ZFAT: variants seen among roughly 807,000 people sequenced by gnomAD.
ZFAT encodes the protein zinc finger protein ZFAT.
A neutral mutation model predicts 117.7 loss-of-function variants in ZFAT; 64 were observed. That is an observed-to-expected ratio of 0.54 (90% CI 0.44 to 0.67). ZFAT has a LOEUF of 0.67. Among genes scored for constraint, ZFAT ranks in the 30% least tolerant of loss-of-function variants. ZFAT has a pLI of 0.00. For synonymous variants in ZFAT, 679 were observed against 615.0 expected, an observed-to-expected ratio of 1.10 and a Z score of -1.54; for missense variants, 1,433 against 1,584.5, an observed-to-expected ratio of 0.90 and a Z score of 1.62.
chr8:134,718,884 G>A, the ZFAT span, among the ~76,000 whole-genome samples: 86 of 152,300 alleles, frequency 5.6e-4, no homozygotes, highest in African/African-American at 1.9e-3. Context: ...CTGGTTAAAC[G>A]GATAGTTCAG....
chr8:134,555,840 G>A (rs886538356), intron 11 of ZFAT, among the ~76,000 whole-genome samples: 1 of 151,498 alleles, frequency 6.6e-6, no homozygotes, highest in African/African-American at 2.4e-5. Context: ...AAACATGTGT[G>A]AACAGATGAT....
the ZFAT span, among the ~76,000 whole-genome samples, chr8:134,826,363 T>C: frequency 6.6e-6 from 1 of 152,222 alleles, no homozygotes; most frequent in East Asian, 1.9e-4. Flanking sequence ...ACAACTTTTT[T>C]CTTTTAGAGA....
At chr8:134,587,650 C>T (rs142667962) in intron 9 of ZFAT, among the ~76,000 whole-genome samples, 28 of 152,248 alleles carry the variant, frequency 1.8e-4, no homozygotes, top group African/African-American at 6.3e-4. Context: ...CGGTCTGTTG[C>T]CCTAGTAGAA....
At chr8:134,639,995 G>C (rs375140684) in intron 2 of ZFAT, 4 of 350,830 alleles carry the variant, frequency 1.1e-5, no homozygotes, top group African/African-American at 8.6e-5. Flanking sequence ...CTAGGCCCCC[G>C]GATGTCCCTC....
At chr8:134,617,487 G>T (rs1828828667) in intron 3 of ZFAT, among the ~76,000 whole-genome samples, 2 of 152,202 alleles carry the variant, frequency 1.3e-5, no homozygotes, top group Admixed American at 6.5e-5. Context: ...CTTGGACAAT[G>T]ATATGACAAC....
intron 15 of ZFAT, among the ~76,000 whole-genome samples, chr8:134,504,567 C>T (rs1819251458): frequency 6.6e-6 from 1 of 152,150 alleles, no homozygotes; most frequent in Non-Finnish European, 1.5e-5. Context: ...GGCAGGAATG[C>T]TCAGTGCAGG....
intron 1 of ZFAT, among the ~76,000 whole-genome samples, chr8:134,671,420 T>G (rs1386050122): frequency 6.6e-6 from 1 of 152,162 alleles, no homozygotes; most frequent in African/African-American, 2.4e-5. Context: ...CAAGTGGGCT[T>G]CATCCCTGGG....
intron 3 of ZFAT, among the ~76,000 whole-genome samples, chr8:134,626,672 T>A (rs1041160124): frequency 4.6e-5 from 7 of 152,236 alleles, no homozygotes; most frequent in Non-Finnish European, 7.3e-5. Context: ...AACACAAGTA[T>A]GTAAAACTCA....
At chr8:134,569,767 C>T (rs1482171880) in intron 10 of ZFAT, among the ~76,000 whole-genome samples, 6 of 152,166 alleles carry the variant, frequency 3.9e-5, no homozygotes, top group African/African-American at 1.4e-4. Context: ...GTGCAGTGCC[C>T]TCCAGACCTG....
intron 1 of ZFAT, among the ~76,000 whole-genome samples, chr8:134,668,960 A>G (rs2131254740): frequency 6.6e-6 from 1 of 152,356 alleles, no homozygotes; most frequent in South Asian, 2.1e-4. Flanking sequence ...CAAATGCACA[A>G]GTTTCAGTAG....
At chr8:134,513,061 G>A (rs935411339) in intron 13 of ZFAT, among the ~76,000 whole-genome samples, 1 of 152,070 alleles carries the variant, frequency 6.6e-6, no homozygotes, top group Admixed American at 6.5e-5. Flanking sequence ...TAGGGTGGGT[G>A]ATTACACAGA....
At chr8:134,791,162 A>G in the ZFAT span, among the ~76,000 whole-genome samples, 2 of 152,246 alleles carry the variant, frequency 1.3e-5, no homozygotes, top group Non-Finnish European at 2.9e-5. Flanking sequence ...AAGCATGGAT[A>G]TTCTGAAAGC....
In ZFAT at chr8:134,657,698, A is replaced by G. The variant is rs1563735769; in HGVS notation, c.59T>C (p.Phe20Ser). The change falls in exon 2 of 16, where the codon TTC becomes TCC. Residue 20 changes from phenylalanine to serine, a missense_variant. This residue lies in a region of ZFAT where 436 missense variants were observed against 482.0 expected (regional missense o/e 0.90). Transcript: ENST00000377838. ...AIFMCKCCNL[F>S]SPNQSELLSH... is the part of the protein sequence containing the mutation. ...GAGGAGTTCCGACTGATTTGGTGAG[A>G]AGAGGTTACAACATTTACACATAAA... 6.2e-7 allele frequency: 1 copy of G among 1,614,138 alleles called. No homozygotes were observed. The highest frequency in any genetic ancestry group is 1.7e-5 in the Admixed American group (1 of 60,002).
chr8:134,824,478 C>G, the ZFAT span, among the ~76,000 whole-genome samples: 1 of 152,198 alleles, frequency 6.6e-6, no homozygotes, highest in African/African-American at 2.4e-5. Flanking sequence ...CAAACTTCCA[C>G]GCTTAAAATT....
intron 1 of ZFAT, among the ~76,000 whole-genome samples, chr8:134,681,869 C>T (rs1833086514): frequency 1.3e-5 from 2 of 152,210 alleles, no homozygotes; most frequent in South Asian, 4.1e-4. Context: ...ATTGCTGTCA[C>T]ATCCAGCGGA....
chr8:134,512,654 A>G, intron 13 of ZFAT, 53 bp from the exon 14 acceptor site: 1 of 1,579,718 alleles, frequency 6.3e-7, no homozygotes, highest in South Asian at 1.1e-5. Context: ...ACTGTTGCCC[A>G]GAAGTTCCAA....
chr8:134,490,276 G>C (rs982027046), intron 15 of ZFAT, among the ~76,000 whole-genome samples: 1 of 152,222 alleles, frequency 6.6e-6, no homozygotes, highest in African/African-American at 2.4e-5. Context: ...AATGGTGAGC[G>C]TGGTCACTGT....
At chr8:134,634,238 TG>T (rs1318985076) in intron 3 of ZFAT, among the ~76,000 whole-genome samples, 1 of 152,016 alleles carries the variant, frequency 6.6e-6, no homozygotes, top group East Asian at 1.9e-4. Flanking sequence ...CATTAGTGAG[TG>T]AAAAAAGATC....
chr8:134,556,769 C>A (rs570698737), intron 11 of ZFAT, among the ~76,000 whole-genome samples: 1 of 151,994 alleles, frequency 6.6e-6, no homozygotes, highest in African/African-American at 2.4e-5. Context: ...TTCTAGCATA[C>A]CAGCACACAA....
Sources: allele counts gnomAD v4.1 joint callset (sites outside exome capture counted in the v4.1 genomes callset), GRCh38; gene constraint gnomAD v4.1.1; regional missense constraint gnomAD v4.1.1; transcripts MANE v1.5; gene names NCBI Gene and HGNC (gene_info 2026-07-23, HGNC 2026-07-21).